Variants in C1QB observed in about 807,000 individuals in gnomAD.
C1QB encodes complement C1q subcomponent subunit B.
A neutral mutation model predicts 4.6 loss-of-function variants in C1QB; 2 were observed. The ratio of observed to expected loss-of-function variants is 0.43; its 90% CI spans 0.18 to 1.36. The LOEUF (loss-of-function observed/expected upper bound fraction) is 1.36, where lower values mean the gene tolerates loss of function less well. Among genes scored for constraint, C1QB ranks in the 40% most tolerant of loss-of-function variants. C1QB has a pLI of 0.28. For missense variants in C1QB, 292 were observed against 338.0 expected (o/e 0.86, Z 1.07); for synonymous variants, 132 against 137.1 (o/e 0.96, Z 0.26).
At chr1:22,659,794 T>TCAGAATTCCC in intron 2 of C1QB, 151 bp downstream of exon 2, 2 of 928,962 alleles carry the variant, frequency 2.2e-6, no homozygotes, top group Non-Finnish European at 3.3e-6. Flanking sequence ...AAGGAGGGAA[T>TCAGAATTCCC]TCTGATTCCC....
Position 22,661,537 on chromosome 1 carries a change from C to A in C1QB, c.*151C>A. Reference sequence around the variant, plus strand: ...AAATAAACTCTTCAAGGCCAAGGGACAGTGGTCTAATTCAACTCTGTGTCC... The same window carrying A: ...AAATAAACTCTTCAAGGCCAAGGGAAAGTGGTCTAATTCAACTCTGTGTCC... On this transcript the variant is annotated 3_prime_UTR_variant, in exon 3 of 3. Coordinates refer to ENST00000509305, the MANE Select transcript of C1QB (RefSeq NM_001378156.1). 1 of 875,694 alleles carries A rather than the reference C, an allele frequency of 1.1e-6. No individual in the cohort carries two copies. Among genetic ancestry groups the A allele is most frequent in the Non-Finnish European group, 1.8e-6 (1 of 553,382 alleles). 54.2% of individuals were successfully genotyped at this position (875,694 alleles called of 1,614,324 possible).
chr1:22,661,378 G>A lies in C1QB; in HGVS notation c.748G>A (p.Glu250Lys), dbSNP rs780123490. The A allele has an allele frequency of 1.9e-6, 3 of 1,613,852 alleles. No individual in the cohort carries two copies. The highest frequency in any genetic ancestry group is 2.5e-6 in the Non-Finnish European group (3 of 1,180,018). ...FSGFLLFPDM[E>K]A is the part of the protein sequence containing the mutation. ...CGGGTTCCTGCTCTTTCCAGATATGGAGGCCTGACCTGTGGGCTGCTTCAC... is the reference window on the plus strand; with the variant it reads ...CGGGTTCCTGCTCTTTCCAGATATGAAGGCCTGACCTGTGGGCTGCTTCAC... Residue 250 changes from glutamate to lysine, a missense_variant, in exon 3 of 3, where the codon GAG becomes AAG. By Grantham distance (56) the Glu-to-Lys change is moderately conservative (BLOSUM62 1). Coordinates refer to ENST00000509305, the MANE Select transcript of C1QB (RefSeq NM_001378156.1).
In C1QB at chr1:22,656,771, C is replaced by G. The variant is rs57902779; in HGVS notation, c.-23-2669C>G. On this transcript the variant is annotated intron_variant, in intron 1 of 2. Coordinates refer to ENST00000509305, the MANE Select transcript of C1QB (RefSeq NM_001378156.1). ...GCTCAGTCCCACAAGACTGCTCCCC[C>G]TCAGACACCATTTGCAAGTCCAGGC... Among the ~76,000 whole-genome samples the G allele has an allele frequency of 6.1e-3, 929 of 152,298 alleles. 8 individuals carry two copies. Among genetic ancestry groups the G allele is most frequent in the African/African-American group, 0.022 (900 of 41,578 alleles).
chr1:22,659,676 C>A (rs1055233733), intron 2 of C1QB, 33 bp downstream of exon 2: 3 of 1,585,660 alleles, frequency 1.9e-6, no homozygotes, highest in Non-Finnish European at 2.6e-6. Context: ...ACTGGTAATA[C>A]TGACCAAATT....
At chr1:22,653,637 G>A (rs561233108) in intron 1 of C1QB, among the ~76,000 whole-genome samples, 2 of 152,130 alleles carry the variant, frequency 1.3e-5, no homozygotes, top group South Asian at 2.1e-4. Flanking sequence ...CTCTCAGCCC[G>A]GCCCCCCTAC....
At chr1:22,658,631 C>T (rs1403823027) in intron 1 of C1QB, among the ~76,000 whole-genome samples, 1 of 152,230 alleles carries the variant, frequency 6.6e-6, no homozygotes, top group Non-Finnish European at 1.5e-5. Context: ...TCACTGAATC[C>T]CCAGCACCTT....
intron 1 of C1QB, among the ~76,000 whole-genome samples, chr1:22,656,122 C>T (rs1642528039): frequency 6.6e-6 from 1 of 152,122 alleles, no homozygotes. Flanking sequence ...GTGAACACAA[C>T]GTTTGTGCAG....
chr1:22,658,624 C>T (rs1285224644), intron 1 of C1QB, among the ~76,000 whole-genome samples: 2 of 152,248 alleles, frequency 1.3e-5, no homozygotes, highest in African/African-American at 4.8e-5. Flanking sequence ...TTGTTCTTCA[C>T]TGAATCCCCA....
Position 22,661,439 on chromosome 1 carries a change from C to T in C1QB, c.*53C>T, listed in dbSNP as rs1340711125. On this transcript the variant is annotated 3_prime_UTR_variant, in exon 3 of 3. Coordinates refer to ENST00000509305, the MANE Select transcript of C1QB (RefSeq NM_001378156.1). ...GCTCCCCCTGCCAGCAACGCTCACT[C>T]TACCCCCAACACCACCCCTTGCCCA... The T allele has an allele frequency of 2.5e-6, 4 of 1,599,564 alleles. No homozygotes were observed. Among genetic ancestry groups the T allele is most frequent in the Non-Finnish European group, 3.4e-6 (4 of 1,169,038 alleles).
At chr1:22,659,751 C>T (rs1455483691) in intron 2 of C1QB, 108 bp downstream of exon 2, 1 of 1,317,214 alleles carries the variant, frequency 7.6e-7, no homozygotes, top group Admixed American at 2.0e-5. Context: ...CTGGCAAATC[C>T]AGCAGCTTGC....
Position 22,659,511 on chromosome 1 carries a change from C to T in C1QB, c.49C>T (p.Leu17=). 6.2e-7 allele frequency: 1 copy of T among 1,614,054 alleles called. No individual in the cohort carries two copies. Among genetic ancestry groups the T allele is most frequent in the Non-Finnish European group, 8.5e-7 (1 of 1,179,992 alleles). The change falls in exon 2 of 3, where the codon CTG becomes TTG. Residue 17 remains leucine, a synonymous_variant. Coordinates refer to ENST00000509305, the MANE Select transcript of C1QB (RefSeq NM_001378156.1). ...CCCAGTACTGATGTTGCTCCTGCTC[C>T]TGGGCCTAATCGATATCTCCCAGGC... is the stretch of plus-strand genomic sequence containing the variant. The part of the protein sequence containing the change: ...SIPVLMLLLL[L]GLIDISQAQL...
At chr1:22,659,984 C>G (rs1295053174) in intron 2 of C1QB, among the ~76,000 whole-genome samples, 2 of 152,184 alleles carry the variant, frequency 1.3e-5, no homozygotes, top group African/African-American at 4.8e-5. Context: ...AATGACTTCT[C>G]TCTGAATTGC....
At position 22,661,275 on chromosome 1, in the gene C1QB, G is replaced by A. The variant is rs978051982; in HGVS notation, c.645G>A (p.Glu215=). ...CCGGTGGCATGGTCCTCAAGCTGGA[G>A]CAGGGGGAGAACGTCTTCCTGCAGG... The part of the protein sequence containing the change: ...VTTGGMVLKL[E]QGENVFLQAT... Residue 215 remains glutamate, a synonymous_variant, in exon 3 of 3, where the codon GAG becomes GAA. Coordinates refer to ENST00000509305, the MANE Select transcript of C1QB (RefSeq NM_001378156.1). 6.2e-7 allele frequency: 1 copy of A among 1,613,790 alleles called. No homozygotes were observed. Among genetic ancestry groups the A allele is most frequent in the Non-Finnish European group, 8.5e-7 (1 of 1,179,758 alleles).
At chr1:22,657,499 C>T (rs1340332898) in intron 1 of C1QB, among the ~76,000 whole-genome samples, 2 of 151,988 alleles carry the variant, frequency 1.3e-5, no homozygotes, top group Non-Finnish European at 1.5e-5. Flanking sequence ...AAAGGTCACA[C>T]GTTGTATAAT....
chr1:22,661,432 G>T lies in C1QB; in HGVS notation c.*46G>T. On this transcript the variant is annotated 3_prime_UTR_variant, in exon 3 of 3. Coordinates refer to ENST00000509305, the MANE Select transcript of C1QB (RefSeq NM_001378156.1). The stretch of plus-strand genomic sequence containing the variant: ...CACCCCGGCTCCCCCTGCCAGCAAC[G>T]CTCACTCTACCCCCAACACCACCCC... 1 of 1,606,864 alleles carries T rather than the reference G, an allele frequency of 6.2e-7. No homozygotes were observed. Among genetic ancestry groups the T allele is most frequent in the Non-Finnish European group, 8.5e-7 (1 of 1,174,992 alleles).
At chr1:22,656,163 G>C (rs995526935) in intron 1 of C1QB, among the ~76,000 whole-genome samples, 1 of 152,176 alleles carries the variant, frequency 6.6e-6, no homozygotes, top group Non-Finnish European at 1.5e-5. Context: ...CCACACGGGG[G>C]ACCTTGGCAG....
At position 22,659,458 on chromosome 1, in the gene C1QB, T is replaced by C. The variant is rs1446737537; in HGVS notation, c.-5T>C. 3 of 1,613,828 alleles carry C rather than the reference T, an allele frequency of 1.9e-6. No individual in the cohort carries two copies. Among genetic ancestry groups the C allele is most frequent in the African/African-American group, 2.7e-5 (2 of 74,834 alleles). ...TCCACAGGAGGCGTCTGACACAGTA[T>C]GATGATGAAGATCCCATGGGGCAGC... On this transcript the variant is annotated 5_prime_UTR_variant, in exon 2 of 3. It removes an upstream start codon present in the reference 5' UTR. Transcript: ENST00000509305.
chr1:22,656,300 C>T (rs954674647), intron 1 of C1QB, among the ~76,000 whole-genome samples: 1 of 152,174 alleles, frequency 6.6e-6, no homozygotes, highest in Non-Finnish European at 1.5e-5. Context: ...TACTCAAATC[C>T]TTGTTCACAA....
Position 22,659,528 on chromosome 1 carries a change from C to T in C1QB, c.66C>T (p.Ile22=). The T allele has an allele frequency of 6.2e-7, 1 of 1,614,108 alleles. No homozygotes were observed. The highest frequency in any genetic ancestry group is 8.5e-7 in the Non-Finnish European group (1 of 1,179,996). ...MLLLLLGLID[I]SQAQLSCTGP... is the part of the protein sequence containing the mutation. ...TCCTGCTCCTGGGCCTAATCGATAT[C>T]TCCCAGGCCCAGCTCAGCTGCACCG... Residue 22 remains isoleucine (I), a synonymous_variant, in exon 2 of 3, where the codon ATC becomes ATT. Coordinates refer to ENST00000509305, the MANE Select transcript of C1QB (RefSeq NM_001378156.1).
Sources: allele counts gnomAD v4.1 joint callset (sites outside exome capture counted in the v4.1 genomes callset), GRCh38; gene constraint gnomAD v4.1.1; transcripts MANE v1.5; gene names NCBI Gene and HGNC (gene_info 2026-07-23, HGNC 2026-07-21).